Variants in SEMA6D observed in about 807,000 individuals in gnomAD.
SEMA6D encodes the protein semaphorin 6D.
Under a neutral mutation model 106.6 loss-of-function variants are expected in SEMA6D, and 35 were observed. That is an observed-to-expected ratio of 0.33 (90% CI 0.25 to 0.44). SEMA6D has a LOEUF of 0.44. Among genes scored for constraint, SEMA6D ranks in the 20% least tolerant of loss-of-function variants. SEMA6D has a pLI of 1.00. For missense variants in SEMA6D, 1,185 were observed against 1,345.9 expected (o/e 0.88, Z 1.87); for synonymous variants, 499 against 487.7 (o/e 1.02, Z -0.31).
chr15:47,383,316 A>G (rs2039707628), intron 1 of SEMA6D, among the ~76,000 whole-genome samples: 1 of 152,220 alleles, frequency 6.6e-6, no homozygotes, highest in South Asian at 2.1e-4. Context: ...ATTCATCTTG[A>G]TAATTCATTA....
intron 1 of SEMA6D, chr15:47,241,504 T>C (rs62013994): frequency 0.017 from 2,633 of 152,240 alleles, 48 homozygotes; most frequent in African/African-American, 0.022. Flanking sequence ...TTGTTCTCTA[T>C]ATCTCCTCCT....
At chr15:47,739,360 C>G (rs1016809853) in intron 1 of SEMA6D, among the ~76,000 whole-genome samples, 1 of 152,112 alleles carries the variant, frequency 6.6e-6, no homozygotes, top group Non-Finnish European at 1.5e-5. Context: ...CCTAGTCTAC[C>G]TTTTCCACAA....
intron 1 of SEMA6D, among the ~76,000 whole-genome samples, chr15:47,752,383 C>T (rs551868174): frequency 6.6e-6 from 1 of 152,278 alleles, no homozygotes; most frequent in Admixed American, 6.5e-5. Flanking sequence ...CCTTTAGGTA[C>T]TTGTAGGTCA....
chr15:47,743,725 G>A (rs1382159476), intron 1 of SEMA6D, among the ~76,000 whole-genome samples: 1 of 152,122 alleles, frequency 6.6e-6, no homozygotes, highest in Non-Finnish European at 1.5e-5. Context: ...ACATCCAAAG[G>A]CAGAAAGGTG....
At chr15:47,701,276 T>G (rs1468535325) in intron 4 of SEMA6D, among the ~76,000 whole-genome samples, 3 of 152,004 alleles carry the variant, frequency 2.0e-5, no homozygotes, top group Non-Finnish European at 2.9e-5. Flanking sequence ...AATTAAAAAA[T>G]AGGCCAAATA....
intron 2 of SEMA6D, among the ~76,000 whole-genome samples, chr15:47,433,259 A>G (rs2041596100): frequency 6.6e-6 from 1 of 152,042 alleles, no homozygotes; most frequent in African/African-American, 2.4e-5. Flanking sequence ...GGGCTCTTCA[A>G]TTATTTGTTA....
intron 2 of SEMA6D, among the ~76,000 whole-genome samples, chr15:47,420,012 G>A (rs184892992): frequency 2.0e-5 from 3 of 152,204 alleles, no homozygotes; most frequent in African/African-American, 7.2e-5. Flanking sequence ...AGTTTTGGGG[G>A]TGAGACGGAC....
At chr15:47,408,542 C>T (rs1218452197) in intron 1 of SEMA6D, among the ~76,000 whole-genome samples, 4 of 152,162 alleles carry the variant, frequency 2.6e-5, no homozygotes, top group Non-Finnish European at 4.4e-5. Context: ...AATTCTTCCA[C>T]TTCCAGTGCT....
At chr15:47,351,194 A>C (rs2038312671) in intron 1 of SEMA6D, among the ~76,000 whole-genome samples, 1 of 152,126 alleles carries the variant, frequency 6.6e-6, no homozygotes, top group Admixed American at 6.6e-5. Context: ...TCTATCCTTA[A>C]AGGGTCAATT....
chr15:47,661,669 G>A (rs140666395), intron 4 of SEMA6D, among the ~76,000 whole-genome samples: 10 of 152,356 alleles, frequency 6.6e-5, no homozygotes, highest in Admixed American at 6.5e-4. Flanking sequence ...GAAGAATAAT[G>A]ACCAGCTTGT....
At chr15:47,412,905 C>T (rs2040843517) in intron 2 of SEMA6D, among the ~76,000 whole-genome samples, 1 of 152,196 alleles carries the variant, frequency 6.6e-6, no homozygotes, top group Non-Finnish European at 1.5e-5. Flanking sequence ...GTTTCTAAAA[C>T]AACCACATTT....
At chr15:47,507,339 A>AC (rs201710301) in intron 3 of SEMA6D, among the ~76,000 whole-genome samples, 356 of 118,468 alleles carry the variant, frequency 3.0e-3, no homozygotes, top group African/African-American at 4.4e-3. Context: ...CAAGTGGGAC[A>AC]CCCCCCCCCA....
chr15:47,579,794 G>C (rs530983579), intron 3 of SEMA6D, among the ~76,000 whole-genome samples: 13 of 152,168 alleles, frequency 8.5e-5, no homozygotes, highest in African/African-American at 3.1e-4. Flanking sequence ...TAATTACTTT[G>C]CCACTCCACT....
At chr15:47,738,906 C>T (rs935021749) in intron 1 of SEMA6D, among the ~76,000 whole-genome samples, 1 of 152,178 alleles carries the variant, frequency 6.6e-6, no homozygotes, top group African/African-American at 2.4e-5. Flanking sequence ...GTGGGTGCTG[C>T]CTGTCAGCTC....
intron 1 of SEMA6D, among the ~76,000 whole-genome samples, chr15:47,271,625 C>G (rs62014045): frequency 0.017 from 2,612 of 152,220 alleles, 49 homozygotes; most frequent in African/African-American, 0.02. Context: ...TGTTGGTGCT[C>G]TTCCTGTATA....
intron 1 of SEMA6D, among the ~76,000 whole-genome samples, chr15:47,314,721 A>G (rs1182113367): frequency 6.6e-6 from 1 of 151,712 alleles, no homozygotes; most frequent in Middle Eastern, 3.2e-3. Flanking sequence ...CAGTCTCTGG[A>G]CATGGACTTT....
intron 1 of SEMA6D, among the ~76,000 whole-genome samples, chr15:47,314,666 T>C (rs1595710508): frequency 6.7e-6 from 1 of 148,828 alleles, no homozygotes; most frequent in East Asian, 2.0e-4. Flanking sequence ...TTTAATCAGA[T>C]ACTTCTTTTG....
At chr15:47,227,554 GTC>G (rs375441155) in intron 1 of SEMA6D, among the ~76,000 whole-genome samples, 352 of 134,914 alleles carry the variant, frequency 2.6e-3, no homozygotes, top group African/African-American at 9.2e-3. Flanking sequence ...CTCTCTCTCT[GTC>G]TCTCTCTCTC....
At chr15:47,363,498 G>A (rs1277815456) in intron 1 of SEMA6D, among the ~76,000 whole-genome samples, 2 of 152,062 alleles carry the variant, frequency 1.3e-5, no homozygotes, top group Non-Finnish European at 2.9e-5. Context: ...ACCCTTCTCC[G>A]CACAGGTGAC....
Sources: allele counts gnomAD v4.1 joint callset (sites outside exome capture counted in the v4.1 genomes callset), GRCh38; gene constraint gnomAD v4.1.1; transcripts MANE v1.5; gene names NCBI Gene and HGNC (gene_info 2026-07-23, HGNC 2026-07-21).